The following GRB7 variants were observed in gnomAD, a reference collection of about 807,000 sequenced individuals.
The protein encoded by GRB7 is growth factor receptor bound protein 7, also known as growth factor receptor-bound protein 7.
Under a neutral mutation model 64.1 loss-of-function variants are expected in GRB7, and 47 were observed. The ratio of observed to expected loss-of-function variants is 0.73; its 90% CI spans 0.58 to 0.94. GRB7 has a LOEUF of 0.94. Among genes scored for constraint, GRB7 ranks in the 40% least tolerant of loss-of-function variants. GRB7 has a pLI of 0.00. For missense variants in GRB7, 634 were observed against 718.4 expected (o/e 0.88, Z 1.34); for synonymous variants, 277 against 279.9 (o/e 0.99, Z 0.10).
At chr17:39,745,571 T>A in intron 11 of GRB7, 33 bp downstream of exon 11, 1 of 1,588,264 alleles carries the variant, frequency 6.3e-7, no homozygotes, top group Non-Finnish European at 8.6e-7. Flanking sequence ...GTGTTTGTGC[T>A]GGGGACCCAC....
chr17:39,746,162 T>G lies in GRB7; in HGVS notation c.1412T>G (p.Leu471Trp), dbSNP rs760580997. The G allele has an allele frequency of 6.2e-7, 1 of 1,614,076 alleles. No individual in the cohort carries two copies. The highest frequency in any genetic ancestry group is 1.1e-5 in the South Asian group (1 of 91,086). Residue 471 changes from leucine (L) to tryptophan (W), a missense_variant, in exon 14 of 15, where the codon TTG becomes TGG. This residue lies in a region of GRB7 where 467 missense variants were observed against 576.6 expected (regional missense o/e 0.81). Transcript: ENST00000309156. ...QRNPQGFVLS[L>W]CHLQKVKHYL... ...AACCCCCAGGGCTTTGTCCTCTCTTTGTGCCACCTGCAGAAAGTGAAGCAT... is the reference window on the plus strand; with the variant it reads ...AACCCCCAGGGCTTTGTCCTCTCTTGGTGCCACCTGCAGAAAGTGAAGCAT...
chr17:39,745,198 C>G, intron 9 of GRB7, 45 bp from the exon 10 acceptor site: 1 of 1,511,832 alleles, frequency 6.6e-7, no homozygotes, highest in Non-Finnish European at 9.0e-7. Flanking sequence ...AGCCACGCCC[C>G]CAGGACCTCT....
In GRB7 at chr17:39,744,965, C is replaced by T. The variant is rs756411159; in HGVS notation, c.992C>T (p.Ala331Val). 6.2e-7 allele frequency: 1 copy of T among 1,613,734 alleles called. No homozygotes were observed. Among genetic ancestry groups the T allele is most frequent in the Non-Finnish European group, 8.5e-7 (1 of 1,179,772 alleles). Residue 331 changes from alanine to valine, a missense_variant, in exon 9 of 15, where the codon GCT becomes GTT. Physicochemically the swap from Ala to Val is moderately conservative, Grantham distance 64. Coordinates refer to ENST00000309156, the MANE Select transcript of GRB7 (RefSeq NM_005310.5). ...EDEQSRTCWL[A>V]AFRLFKYGVQ... ...GAGCAGAGCCGCACCTGCTGGCTGG[C>T]TGCCTTCCGCCTCTTCAAGGTGAGA... is the stretch of plus-strand genomic sequence containing the variant.
rs1305738222 is a variant in GRB7, at chr17:39,746,808, G to A, written c.1510G>A (p.Asp504Asn). ...GGATGATGGCCAGACCCGCTTCACT[G>A]ACCTGCTGCAGCTCGTGGAGTTCCA... is the stretch of plus-strand genomic sequence containing the variant. ...SMDDGQTRFTDLLQLVEFHQL... is the reference protein window; with the variant it reads ...SMDDGQTRFTNLLQLVEFHQL... The change falls in exon 15 of 15, where the codon GAC becomes AAC. Residue 504 changes from aspartate (D) to asparagine (N), a missense_variant. Around this residue, in one of 2 missense-constraint regions of GRB7, gnomAD observed 467 missense variants for 576.6 expected, o/e 0.81. Transcript: ENST00000309156. 6.2e-7 allele frequency: 1 copy of A among 1,613,880 alleles called. No homozygotes were observed. Among genetic ancestry groups the A allele is most frequent in the Non-Finnish European group, 8.5e-7 (1 of 1,180,028 alleles).
chr17:39,744,453 G>C (rs760588981), intron 7 of GRB7, 100 bp from the exon 8 acceptor site: 5 of 987,870 alleles, frequency 5.1e-6, no homozygotes, highest in Non-Finnish European at 7.8e-6. Flanking sequence ...GTATTCCCCT[G>C]CCCCTCTCTG....
At chr17:39,745,704 C>G (rs746427395) in intron 11 of GRB7, 24 bp from the exon 12 acceptor site, 1 of 1,612,318 alleles carries the variant, frequency 6.2e-7, no homozygotes, top group Non-Finnish European at 8.5e-7. Context: ...CCCCGACTCT[C>G]CCGTATCTCC....
At chr17:39,738,160 C>G (rs1426311459) in intron 1 of GRB7, 27 bp downstream of exon 1, 1 of 152,394 alleles carries the variant, frequency 6.6e-6, no homozygotes, top group Non-Finnish European at 1.5e-5. Context: ...CGGTCTCAGA[C>G]GACAGCCTGC....
In GRB7 at chr17:39,743,172, G is replaced by A. The variant is rs1445157067; in HGVS notation, c.464-8G>A. The A allele has an allele frequency of 6.2e-7, 1 of 1,611,002 alleles. No homozygotes were observed. Among genetic ancestry groups the A allele is most frequent in the Non-Finnish European group, 8.5e-7 (1 of 1,179,132 alleles). Reference sequence around the variant, plus strand: ...CCAATAACCCCTGCTTTTTGCCCTTGTCCCCAGAGCGGGGTTTGGAGGACC... The same window carrying A: ...CCAATAACCCCTGCTTTTTGCCCTTATCCCCAGAGCGGGGTTTGGAGGACC... On this transcript the variant is annotated splice_region_variant and splice_polypyrimidine_tract_variant and intron_variant, in intron 4 of 14. Coordinates refer to ENST00000309156, the MANE Select transcript of GRB7 (RefSeq NM_005310.5).
In GRB7 at chr17:39,745,889, C is replaced by T. The variant is rs981175715; in HGVS notation, c.1271-24C>T. ...ATAGGGGTCCCCTCCCCAAAGTGAC[C>T]GCCCATGTCCTTCCCCACCACAGCC... On this transcript the variant is annotated intron_variant, in intron 12 of 14. Coordinates refer to ENST00000309156, the MANE Select transcript of GRB7 (RefSeq NM_005310.5). The T allele has an allele frequency of 6.8e-6, 11 of 1,613,370 alleles. No individual in the cohort carries two copies. The African/African-American group carries it at 8.0e-5, about 12-fold the overall frequency.
rs775800149 is a variant in GRB7 at position 39,738,006 on chromosome 17, G to A, written c.-178G>A. The A allele has an allele frequency of 1.3e-5, 2 of 152,334 alleles. No individual in the cohort carries two copies. The highest frequency in any genetic ancestry group is 1.3e-4 in the Admixed American group (2 of 15,286). The allele number at this position is 152,334 out of a possible 1,614,324, so 9.4% of individuals were successfully genotyped here. A position where few individuals can be genotyped will look rare whatever the true frequency, so the allele number is the denominator to read the frequency against. On this transcript the variant is annotated 5_prime_UTR_variant, in exon 1 of 15. Coordinates refer to ENST00000309156, the MANE Select transcript of GRB7 (RefSeq NM_005310.5). Reference sequence around the variant, plus strand: ...GCCTCTGACTTCTCTGTCCGAAGTCGGGACACCCTCCTACCACCTGTAGAG... The same window carrying A: ...GCCTCTGACTTCTCTGTCCGAAGTCAGGACACCCTCCTACCACCTGTAGAG...
chr17:39,741,526 G>C (rs1391674125), intron 1 of GRB7, among the ~76,000 whole-genome samples: 1 of 152,234 alleles, frequency 6.6e-6, no homozygotes, highest in African/African-American at 2.4e-5. Context: ...CTGGCAACTG[G>C]GTCTGGCAAC....
At position 39,746,970 on chromosome 17, in the gene GRB7, T is replaced by G. The variant is rs1283974049; in HGVS notation, c.*73T>G. Reference sequence around the variant, plus strand: ...CCGCCCCTCCACCCATCCAGTGGACTCTGGGGCGCGGCCACAGGGGACGGG... The same window carrying G: ...CCGCCCCTCCACCCATCCAGTGGACGCTGGGGCGCGGCCACAGGGGACGGG... On this transcript the variant is annotated 3_prime_UTR_variant, in exon 15 of 15. Transcript: ENST00000309156. The G allele has an allele frequency of 3.3e-6, 5 of 1,504,306 alleles. No homozygotes were observed. Among genetic ancestry groups the G allele is most frequent in the Non-Finnish European group, 4.5e-6 (5 of 1,112,754 alleles). 93.2% of individuals were successfully genotyped at this position (1,504,306 alleles called of 1,614,324 possible). A position where few individuals can be genotyped will look rare whatever the true frequency, so the allele number is the denominator to read the frequency against.
At chr17:39,741,831 G>A (rs990927416) in intron 1 of GRB7, among the ~76,000 whole-genome samples, 2 of 152,070 alleles carry the variant, frequency 1.3e-5, no homozygotes, top group African/African-American at 2.4e-5. Flanking sequence ...CCAACATGGT[G>A]AAACCCTGTC....
intron 4 of GRB7, 42 bp from the exon 5 acceptor site, chr17:39,743,138 G>A: frequency 6.2e-7 from 1 of 1,608,946 alleles, no homozygotes; most frequent in Middle Eastern, 1.7e-4. Flanking sequence ...CAGGAGATCT[G>A]GTTGATCTCC....
rs2060001530 is a variant in GRB7 at position 39,742,318 on chromosome 17, C to T, written c.17C>T (p.Ser6Phe). 3.1e-6 allele frequency: 5 copies of T among 1,614,052 alleles called. No individual in the cohort carries two copies. The highest frequency in any genetic ancestry group is 4.2e-6 in the Non-Finnish European group (5 of 1,179,912). Residue 6 changes from serine to phenylalanine, a missense_variant, in exon 2 of 15, where the codon TCT becomes TTT. Transcript: ENST00000309156. ...TCAGACGCCATGGAGCTGGATCTGT[C>T]TCCACCTCATCTTAGCAGCTCTCCG... MELDL[S>F]PPHLSSSPED...
chr17:39,742,452 G>T lies in GRB7; in HGVS notation c.151G>T (p.Gly51Cys). 1 of 1,613,824 alleles carries T rather than the reference G, an allele frequency of 6.2e-7. No homozygotes were observed. Among genetic ancestry groups the T allele is most frequent in the Non-Finnish European group, 8.5e-7 (1 of 1,179,914 alleles). ...CCAGCCTCTCCTCATCCCAACCACCGGCAGGTACGATGGGGCGTGGGGCTT... is the reference window on the plus strand; with the variant it reads ...CCAGCCTCTCCTCATCCCAACCACCTGCAGGTACGATGGGGCGTGGGGCTT... ...RSQPLLIPTTGRKLREEERRA... is the reference protein window; with the variant it reads ...RSQPLLIPTTCRKLREEERRA... The change falls in exon 2 of 15, where the codon GGC becomes TGC. Residue 51 changes from glycine (G) to cysteine (C), a missense_variant. Physicochemically the swap from Gly to Cys is radical, Grantham distance 159 (BLOSUM62 -3). Transcript: ENST00000309156.
In GRB7 at chr17:39,746,943, C is replaced by A; in HGVS notation, c.*46C>A. On this transcript the variant is annotated 3_prime_UTR_variant, in exon 15 of 15. Coordinates refer to ENST00000309156, the MANE Select transcript of GRB7 (RefSeq NM_005310.5). ...TGCCTCAGCCCGCCTTCAGGCTGCC[C>A]GCCGCCCCTCCACCCATCCAGTGGA... 6.4e-7 allele frequency: 1 copy of A among 1,566,372 alleles called. No homozygotes were observed.
At chr17:39,738,807 A>T (rs901303106) in intron 1 of GRB7, 13 of 1,184,998 alleles carry the variant, frequency 1.1e-5, no homozygotes, top group Non-Finnish European at 1.5e-5. Context: ...GGCCCCCTCC[A>T]CTTTGGAGGG....
Position 39,746,733 on chromosome 17 carries a change from C to A in GRB7, c.1453-18C>A. 6.2e-7 allele frequency: 1 copy of A among 1,613,108 alleles called. No individual in the cohort carries two copies. Among genetic ancestry groups the A allele is most frequent in the Non-Finnish European group, 8.5e-7 (1 of 1,179,414 alleles). ...TCGGGCCCCTCCCTGAACTTCCACC[C>A]CCTTTACTGTACCCCAGAGCGAGGA... On this transcript the variant is annotated intron_variant, in intron 14 of 14. Transcript: ENST00000309156.
Sources: gnomAD v4.1 joint callset for allele counts (sites outside exome capture counted in the v4.1 genomes callset) on GRCh38, gnomAD v4.1.1 for gene constraint, gnomAD v4.1.1 regional missense constraint, MANE v1.5 for transcripts, NCBI Gene and HGNC (gene_info 2026-07-23, HGNC 2026-07-21) for gene names.